Variants in NKAIN3 observed in about 807,000 individuals in gnomAD.
NKAIN3 encodes sodium/potassium-transporting ATPase subunit beta-1-interacting protein 3.
A neutral mutation model predicts 30.2 loss-of-function variants in NKAIN3; 25 were observed. That is an observed-to-expected ratio of 0.83 (90% CI 0.60 to 1.16). The LOEUF (loss-of-function observed/expected upper bound fraction) is 1.16. Ranked by LOEUF, NKAIN3 falls within the 50% of genes most tolerant of loss-of-function variation. The pLI, the probability that NKAIN3 is intolerant of heterozygous loss-of-function variation, is 0.00. For synonymous variants in NKAIN3, 91 were observed against 89.6 expected (o/e 1.02, Z -0.09); for missense variants, 225 against 254.1 (o/e 0.89, Z 0.78).
intron 1 of NKAIN3, among the ~76,000 whole-genome samples, chr8:62,334,018 C>G (rs1815445891): frequency 6.6e-6 from 1 of 152,000 alleles, no homozygotes; most frequent in Non-Finnish European, 1.5e-5. Context: ...AGTATTGGCA[C>G]AATATGGAGA....
intron 1 of NKAIN3, among the ~76,000 whole-genome samples, chr8:62,496,364 A>G (rs6472031): frequency 0.87 from 132,463 of 152,150 alleles, 57,746 homozygotes; most frequent in Middle Eastern, 0.92. Flanking sequence ...ATGAGTTTCT[A>G]GTCTCCACCT....
intron 1 of NKAIN3, among the ~76,000 whole-genome samples, chr8:62,565,455 A>T (rs887109278): frequency 6.6e-6 from 1 of 152,076 alleles, no homozygotes; most frequent in African/African-American, 2.4e-5. Flanking sequence ...AACAACAACT[A>T]AAGTTTCTAT....
At position 62,931,587 on chromosome 8, in the gene NKAIN3, G is replaced by T. The variant is rs150705146; in HGVS notation, c.532+13074G>T. On this transcript the variant is annotated intron_variant, in intron 5 of 6. Coordinates refer to ENST00000623646, the MANE Select transcript of NKAIN3 (RefSeq NM_001304533.3). Reference sequence around the variant, plus strand: ...CAACTTAAGATTTCTATATGTTCAGGAATTTTCGGCAGGGAAGCGGTACCC... The same window carrying T: ...CAACTTAAGATTTCTATATGTTCAGTAATTTTCGGCAGGGAAGCGGTACCC... 3.9e-5 allele frequency among the ~76,000 whole-genome samples: 6 copies of T among 152,246 alleles called. No homozygotes were observed. The East Asian group carries it at 1.2e-3, about 29-fold the overall frequency.
At chr8:62,667,291 G>A (rs1813138311) in intron 3 of NKAIN3, among the ~76,000 whole-genome samples, 2 of 140,560 alleles carry the variant, frequency 1.4e-5, no homozygotes, top group South Asian at 4.3e-4. Flanking sequence ...AGATCTTAAA[G>A]TATAATAAAA....
rs577508554 is a variant in NKAIN3 at position 62,978,136 on chromosome 8, A to G, written c.*12729A>G. 6.4e-6 allele frequency: 1 copy of G among 156,272 alleles called. No homozygotes were observed. Among genetic ancestry groups the G allele is most frequent in the East Asian group, 1.9e-4 (1 of 5,318 alleles). 9.7% of individuals were successfully genotyped at this position (156,272 alleles called of 1,614,324 possible). On this transcript the variant is annotated 3_prime_UTR_variant, in exon 7 of 7. Transcript: ENST00000623646. Reference sequence around the variant, plus strand: ...CAGATGCTAGCCAGAGCTCTCCTGTATGAAGTGTCTGTCGACCCCTGTTGG... The same window carrying G: ...CAGATGCTAGCCAGAGCTCTCCTGTGTGAAGTGTCTGTCGACCCCTGTTGG...
At chr8:62,536,035 G>T (rs534223705) in intron 1 of NKAIN3, among the ~76,000 whole-genome samples, 1 of 152,148 alleles carries the variant, frequency 6.6e-6, no homozygotes, top group African/African-American at 2.4e-5. Context: ...CACCACATAT[G>T]TCATATATGT....
chr8:62,420,429 C>T (rs911201758), intron 1 of NKAIN3, among the ~76,000 whole-genome samples: 7 of 152,140 alleles, frequency 4.6e-5, no homozygotes, highest in South Asian at 2.1e-4. Context: ...TTGGTATTTC[C>T]GTGTTACACA....
At chr8:62,389,178 T>G (rs1817515856) in intron 1 of NKAIN3, among the ~76,000 whole-genome samples, 1 of 152,190 alleles carries the variant, frequency 6.6e-6, no homozygotes, top group African/African-American at 2.4e-5. Flanking sequence ...TGTCATAACA[T>G]GTACTTTATC....
chr8:62,961,588 T>A (rs1823570469), intron 6 of NKAIN3, among the ~76,000 whole-genome samples: 1 of 151,364 alleles, frequency 6.6e-6, no homozygotes, highest in African/African-American at 2.5e-5. Flanking sequence ...GTTTTAAAAC[T>A]TTTTTTAAAA....
chr8:62,653,297 G>GAA (rs1053800749), intron 3 of NKAIN3, among the ~76,000 whole-genome samples: 8 of 152,168 alleles, frequency 5.3e-5, no homozygotes, highest in African/African-American at 1.2e-4. Flanking sequence ...GAGAGAGAGA[G>GAA]AACCAGAGCA....
intron 5 of NKAIN3, among the ~76,000 whole-genome samples, chr8:62,948,175 T>C (rs1823179077): frequency 6.6e-6 from 1 of 151,996 alleles, no homozygotes. Context: ...GTTTTACCTA[T>C]ATCTGTGACT....
intron 3 of NKAIN3, among the ~76,000 whole-genome samples, chr8:62,697,438 A>G (rs1814196139): frequency 6.6e-6 from 1 of 152,060 alleles, no homozygotes; most frequent in African/African-American, 2.4e-5. Flanking sequence ...GTTTTTTCTC[A>G]AGTGTTACTT....
intron 3 of NKAIN3, among the ~76,000 whole-genome samples, chr8:62,739,585 T>G: frequency 6.6e-6 from 1 of 151,296 alleles, no homozygotes; most frequent in East Asian, 1.9e-4. Flanking sequence ...CATGCATAGG[T>G]TTTTTTTTAA....
intron 4 of NKAIN3, among the ~76,000 whole-genome samples, chr8:62,897,101 C>A (rs748533166): frequency 6.6e-6 from 1 of 151,956 alleles, no homozygotes; most frequent in Non-Finnish European, 1.5e-5. Flanking sequence ...AATAGAGCAA[C>A]AGAAAAATCT....
At chr8:62,828,501 C>G (rs1819095355) in intron 4 of NKAIN3, among the ~76,000 whole-genome samples, 1 of 152,046 alleles carries the variant, frequency 6.6e-6, no homozygotes, top group Admixed American at 6.6e-5. Context: ...ATTTAAGAAC[C>G]AGTAGACTAG....
chr8:62,872,047 T>C (rs1820661489), intron 4 of NKAIN3, among the ~76,000 whole-genome samples: 1 of 152,232 alleles, frequency 6.6e-6, no homozygotes, highest in African/African-American at 2.4e-5. Context: ...TAGATAAGTT[T>C]TGATACACAA....
chr8:62,506,398 G>A (rs1807639861), intron 1 of NKAIN3, among the ~76,000 whole-genome samples: 1 of 151,796 alleles, frequency 6.6e-6, no homozygotes, highest in South Asian at 2.1e-4. Context: ...TAGAATGCAT[G>A]GGTACTTGCT....
intron 3 of NKAIN3, among the ~76,000 whole-genome samples, chr8:62,613,318 C>T (rs988910185): frequency 6.6e-6 from 1 of 152,062 alleles, no homozygotes; most frequent in Admixed American, 6.6e-5. Context: ...AGTTATTTTC[C>T]TTCAGGGCTT....
intron 1 of NKAIN3, among the ~76,000 whole-genome samples, chr8:62,406,961 T>C (rs763252171): frequency 1.3e-5 from 2 of 152,202 alleles, no homozygotes; most frequent in Non-Finnish European, 2.9e-5. Context: ...CCTGTATCAT[T>C]ATCAAATTAG....
Sources: allele counts gnomAD v4.1 joint callset (sites outside exome capture counted in the v4.1 genomes callset), GRCh38; gene constraint gnomAD v4.1.1; transcripts MANE v1.5; gene names NCBI Gene and HGNC (gene_info 2026-07-23, HGNC 2026-07-21).